The following MARCHF4 variants were observed in gnomAD, a reference collection of about 807,000 sequenced individuals.
The protein encoded by MARCHF4 is E3 ubiquitin-protein ligase MARCHF4.
Under a neutral mutation model 43.9 loss-of-function variants are expected in MARCHF4, and 14 were observed. That is an observed-to-expected ratio of 0.32 (90% confidence interval 0.21 to 0.50). MARCHF4 has a LOEUF of 0.50. Ranked by LOEUF, MARCHF4 falls within the 20% of genes least tolerant of loss-of-function variation. The pLI, the probability that MARCHF4 is intolerant of heterozygous loss-of-function variation, is 0.98. For missense variants in MARCHF4, 468 were observed against 536.7 expected (o/e 0.87, Z 1.27); for synonymous variants, 226 against 213.3 (o/e 1.06, Z -0.52).
chr2:216,296,102 T>TGC (rs1214442743), intron 1 of MARCHF4, among the ~76,000 whole-genome samples: 1 of 152,126 alleles, frequency 6.6e-6, no homozygotes, highest in African/African-American at 2.4e-5. Context: ...GCCAAGATCG[T>TGC]GCCACTGCAC....
At chr2:216,280,231 A>G (rs1691106427) in intron 2 of MARCHF4, among the ~76,000 whole-genome samples, 1 of 151,986 alleles carries the variant, frequency 6.6e-6, no homozygotes, top group Admixed American at 6.6e-5. Context: ...AAGGACACCC[A>G]GGGTACCAGG....
chr2:216,356,345 G>A (rs2105982205), intron 1 of MARCHF4, among the ~76,000 whole-genome samples: 1 of 152,354 alleles, frequency 6.6e-6, no homozygotes, highest in East Asian at 1.9e-4. Context: ...ACTGCGCGAA[G>A]CATGTTTATC....
intron 1 of MARCHF4, among the ~76,000 whole-genome samples, chr2:216,349,368 T>C (rs1692364850): frequency 6.6e-6 from 1 of 152,228 alleles, no homozygotes; most frequent in Non-Finnish European, 1.5e-5. Flanking sequence ...ATTGTGGTAA[T>C]TACATTACCT....
intron 1 of MARCHF4, among the ~76,000 whole-genome samples, chr2:216,349,780 C>T (rs947990649): frequency 6.6e-6 from 1 of 152,208 alleles, no homozygotes; most frequent in East Asian, 1.9e-4. Flanking sequence ...GCTGGAGGCT[C>T]GACCAAAAGG....
In MARCHF4 at chr2:216,283,707, C is replaced by T. The variant is rs759420311; in HGVS notation, c.539G>A (p.Arg180His). 2.5e-6 allele frequency: 4 copies of T among 1,608,586 alleles called. No homozygotes were observed. The highest frequency in any genetic ancestry group is 1.3e-5 in the African/African-American group (1 of 74,960). Residue 180 changes from arginine to histidine, a missense_variant, in exon 2 of 4, where the codon CGC becomes CAC. Around this residue, in one of 3 missense-constraint regions of MARCHF4, gnomAD observed 158 missense variants for 251.1 expected, o/e 0.63. Transcript: ENST00000273067. ...TGTGCACTTGACCGAGCCATCACAGCGGCATGGGCTCAGCAGCTCCCCCTG... is the reference window on the plus strand; with the variant it reads ...TGTGCACTTGACCGAGCCATCACAGTGGCATGGGCTCAGCAGCTCCCCCTG... ...PEQGELLSPC[R>H]CDGSVKCTHQ...
intron 1 of MARCHF4, among the ~76,000 whole-genome samples, chr2:216,285,256 C>T (rs896550540): frequency 2.1e-4 from 32 of 152,220 alleles, no homozygotes; most frequent in African/African-American, 6.8e-4. Context: ...ACTCTGGGAA[C>T]AAACATCTTG....
chr2:216,315,810 G>A (rs977879401), intron 1 of MARCHF4, among the ~76,000 whole-genome samples: 5 of 152,134 alleles, frequency 3.3e-5, no homozygotes, highest in East Asian at 1.9e-4. Context: ...GTGCATTACC[G>A]TTTATACTAA....
intron 1 of MARCHF4, among the ~76,000 whole-genome samples, chr2:216,351,190 T>C (rs992927078): frequency 2.6e-5 from 4 of 152,332 alleles, no homozygotes; most frequent in Admixed American, 6.5e-5. Context: ...AGTGGAAACA[T>C]GCAAAGAACA....
chr2:216,272,862 A>G (rs1690961746), intron 3 of MARCHF4, among the ~76,000 whole-genome samples: 1 of 152,232 alleles, frequency 6.6e-6, no homozygotes, highest in South Asian at 2.1e-4. Context: ...AACCAAGTCT[A>G]AAGACATCAT....
intron 1 of MARCHF4, among the ~76,000 whole-genome samples, chr2:216,329,714 A>G (rs973384816): frequency 6.6e-6 from 1 of 151,266 alleles, no homozygotes; most frequent in East Asian, 1.9e-4. Context: ...GACTACTTCA[A>G]TGAAAATACG....
chr2:216,356,583 T>C (rs116306410), intron 1 of MARCHF4, among the ~76,000 whole-genome samples: 318 of 152,366 alleles, frequency 2.1e-3, no homozygotes, highest in African/African-American at 7.5e-3. Context: ...TGGATTCTAA[T>C]ACAGGTTTTT....
At position 216,259,492 on chromosome 2, in the gene MARCHF4, G is replaced by A. The variant is rs374845184; in HGVS notation, c.1053C>T (p.Thr351=). The change falls in exon 4 of 4, where the codon ACC becomes ACT. Residue 351 remains threonine, a synonymous_variant. Coordinates refer to ENST00000273067, the MANE Select transcript of MARCHF4 (RefSeq NM_020814.3). ...CCTGCTCAGGGGCAGGGGTGCCTGC[G>A]GTCTCCTCTTCCGAGGAGGGGATAT... ...QANIPSSEEE[T]AGTPAPEQGP... is the part of the protein sequence containing the mutation. 122 of 1,614,144 alleles carry A rather than the reference G, an allele frequency of 7.6e-5. No homozygotes were observed. Among genetic ancestry groups the A allele is most frequent in the Non-Finnish European group, 9.7e-5 (114 of 1,180,004 alleles).
At chr2:216,314,066 C>A (rs988320715) in intron 1 of MARCHF4, among the ~76,000 whole-genome samples, 3 of 152,134 alleles carry the variant, frequency 2.0e-5, no homozygotes, top group Non-Finnish European at 4.4e-5. Context: ...AGCTAGTCTG[C>A]ATTGTAGTTG....
At chr2:216,268,221 G>T (rs1430756595) in intron 3 of MARCHF4, among the ~76,000 whole-genome samples, 1 of 152,174 alleles carries the variant, frequency 6.6e-6, no homozygotes, top group Non-Finnish European at 1.5e-5. Context: ...GAAGGAACCT[G>T]GAGGTTGTCG....
intron 1 of MARCHF4, among the ~76,000 whole-genome samples, chr2:216,341,391 G>C (rs1315071905): frequency 6.6e-6 from 1 of 152,218 alleles, no homozygotes; most frequent in African/African-American, 2.4e-5. Context: ...GCTTGAGCCT[G>C]AGCCAAGGGA....
At chr2:216,330,143 G>A (rs981690391) in intron 1 of MARCHF4, among the ~76,000 whole-genome samples, 1 of 151,874 alleles carries the variant, frequency 6.6e-6, no homozygotes, top group Non-Finnish European at 1.5e-5. Flanking sequence ...AAACTGTGTA[G>A]CTATACTGAT....
intron 3 of MARCHF4, among the ~76,000 whole-genome samples, chr2:216,263,201 T>C (rs746543895): frequency 1.6e-4 from 25 of 152,110 alleles, no homozygotes; most frequent in Non-Finnish European, 2.2e-4. Context: ...CCGCGGCAGG[T>C]GGATCACCTG....
chr2:216,367,181 A>G (rs1038111597), intron 1 of MARCHF4, among the ~76,000 whole-genome samples: 19 of 152,154 alleles, frequency 1.2e-4, no homozygotes, highest in African/African-American at 4.3e-4. Flanking sequence ...TAACACCAAG[A>G]CATTCAGCTA....
At chr2:216,289,066 T>C (rs1344243542) in intron 1 of MARCHF4, among the ~76,000 whole-genome samples, 5 of 146,752 alleles carry the variant, frequency 3.4e-5, no homozygotes, top group Middle Eastern at 3.6e-3. Context: ...TATATATATA[T>C]ATTTATTTTT....
Sources: gnomAD v4.1 joint callset for allele counts (sites outside exome capture counted in the v4.1 genomes callset) on GRCh38, gnomAD v4.1.1 for gene constraint, gnomAD v4.1.1 regional missense constraint, MANE v1.5 for transcripts, NCBI Gene and HGNC (gene_info 2026-07-23, HGNC 2026-07-21) for gene names.